The following YJEFN3 variants were observed in gnomAD, a reference collection of about 807,000 sequenced individuals.
YJEFN3 encodes the protein YjeF N-terminal domain containing 3.
In YJEFN3, 29 loss-of-function variants were observed where a neutral mutation model predicts 31.5. The observed-to-expected ratio is 0.92, with a 90% confidence interval of 0.69 to 1.26. The LOEUF (loss-of-function observed/expected upper bound fraction) is 1.26, where lower values mean the gene tolerates loss of function less well. Among genes scored for constraint, YJEFN3 ranks in the 50% most tolerant of loss-of-function variants. The probability of loss-of-function intolerance (pLI) is 0.00; values close to 1 mark genes in which losing one functional copy is unlikely to be tolerated. For missense variants in YJEFN3, 442 were observed against 425.4 expected, an observed-to-expected ratio of 1.04 and a Z score of -0.34; for synonymous variants, 227 against 196.1, an observed-to-expected ratio of 1.16 and a Z score of -1.32.
rs766482681 is a variant in YJEFN3, at chr19:19,535,112, G to A, written c.397G>A (p.Gly133Arg). The A allele has an allele frequency of 6.8e-6, 11 of 1,611,104 alleles. No individual in the cohort carries two copies. The highest frequency in any genetic ancestry group is 9.3e-6 in the Non-Finnish European group (11 of 1,178,370). ...TGGCCCGGAGCAGAACGGGGCAGTG[G>A]GGCTGGTCTGTGCCCGGCACCTGCG... ...VCGPEQNGAV[G>R]LVCARHLRVF... The change falls in exon 4 of 7, where the codon GGG becomes AGG. Residue 133 changes from glycine to arginine, a missense_variant. Transcript: ENST00000514277.
Position 19,535,140 on chromosome 19 carries a change from T to C in YJEFN3, c.425T>C (p.Val142Ala). The change falls in exon 4 of 7, where the codon GTG (valine) becomes GCG (alanine). Residue 142 changes from valine (V) to alanine (A), a missense_variant. Physicochemically the swap from Val to Ala is moderately conservative, Grantham distance 64. Coordinates refer to ENST00000514277, the MANE Select transcript of YJEFN3 (RefSeq NM_198537.4). ...VGLVCARHLR[V>A]FEYEPTIFYP... ...CTGGTCTGTGCCCGGCACCTGCGGG[T>C]GTTTGTAAGTAGCAAGGACCCCTTC... is the stretch of plus-strand genomic sequence containing the variant. The C allele has an allele frequency of 6.3e-7, 1 of 1,598,756 alleles. No homozygotes were observed. The highest frequency in any genetic ancestry group is 8.5e-7 in the Non-Finnish European group (1 of 1,171,946).
chr19:19,530,992 A>G (rs1263992034), intron 2 of YJEFN3, among the ~76,000 whole-genome samples: 1 of 152,080 alleles, frequency 6.6e-6, no homozygotes, highest in Non-Finnish European at 1.5e-5. Context: ...CCTTGAACAT[A>G]CCAGGCTCCT....
In YJEFN3 at chr19:19,537,546, C is replaced by A; in HGVS notation, c.*22C>A. 1.3e-6 allele frequency: 2 copies of A among 1,518,304 alleles called. No individual in the cohort carries two copies. The allele number at this position is 1,518,304 out of a possible 1,614,324, so 94.1% of individuals were successfully genotyped here. On this transcript the variant is annotated 3_prime_UTR_variant, in exon 7 of 7. Coordinates refer to ENST00000514277, the MANE Select transcript of YJEFN3 (RefSeq NM_198537.4). Reference sequence around the variant, plus strand: ...GTGACCGCCACCCGCGGCCACACCGCAGGGACCCTCGCCAATAAACAGCCC... The same window carrying A: ...GTGACCGCCACCCGCGGCCACACCGAAGGGACCCTCGCCAATAAACAGCCC...
At chr19:19,532,029 C>G (rs186095270) in intron 2 of YJEFN3, among the ~76,000 whole-genome samples, 1 of 151,952 alleles carries the variant, frequency 6.6e-6, no homozygotes, top group African/African-American at 2.4e-5. Context: ...TGTGAGGCAC[C>G]GCGCCCGGCC....
At position 19,535,686 on chromosome 19, in the gene YJEFN3, C is replaced by T; in HGVS notation, c.694+7C>T. ...AGCCTGGACATCCCCTCAGGCATGC[C>T]AGGCAGAGGGGGGCACATTGGGGCC... On this transcript the variant is annotated splice_region_variant and intron_variant, in intron 6 of 6. Transcript: ENST00000514277. 1.9e-6 allele frequency: 3 copies of T among 1,550,344 alleles called. No homozygotes were observed. The highest frequency in any genetic ancestry group is 2.6e-6 in the Non-Finnish European group (3 of 1,149,214).
At chr19:19,536,759 C>T (rs1327779777) in intron 6 of YJEFN3, among the ~76,000 whole-genome samples, 2 of 152,100 alleles carry the variant, frequency 1.3e-5, no homozygotes, top group African/African-American at 2.4e-5. Context: ...ATCACAAGGT[C>T]AGGAGTTCGA....
intron 2 of YJEFN3, among the ~76,000 whole-genome samples, chr19:19,531,405 TTA>T (rs2061154414): frequency 6.6e-6 from 1 of 152,142 alleles, no homozygotes; most frequent in Non-Finnish European, 1.5e-5. Flanking sequence ...CTCTTTTTAT[TTA>T]TGTTTGTGTT....
rs762297860 is a variant in YJEFN3, at chr19:19,528,915, C to CCCGGGCTCACCT, written c.-16_-5dup. The CCCGGGCTCACCT allele has an allele frequency of 4.5e-6, 7 of 1,547,072 alleles. No homozygotes were observed. The South Asian group carries it at 8.3e-5, about 18-fold the overall frequency. On this transcript the variant is annotated 5_prime_UTR_variant, in exon 1 of 7. Coordinates refer to ENST00000514277, the MANE Select transcript of YJEFN3 (RefSeq NM_198537.4). ...GTGGCGGTGGCGGCAGCGCCCGGCG[C>CCCGGGCTCACCT]CCGGGCTCACCTCGGCCATGAGCAG...
intron 3 of YJEFN3, chr19:19,533,558 C>A: frequency 1.4e-6 from 1 of 738,818 alleles, no homozygotes; most frequent in Non-Finnish European, 1.7e-6. Context: ...CCTCCTCCTC[C>A]CCCTCCTCCT....
Position 19,531,718 on chromosome 19 carries a change from C to CTTTTTTTTTTTTT in YJEFN3, c.210-896_210-884dup, listed in dbSNP as rs56747140. On this transcript the variant is annotated intron_variant, in intron 2 of 6. Coordinates refer to ENST00000514277, the MANE Select transcript of YJEFN3 (RefSeq NM_198537.4). Reference sequence around the variant, plus strand: ...GCCACATTTTCTGGCAACAAATAACCTTTTTTTTTTTTTTTTTTTTTTTTT... The same window carrying CTTTTTTTTTTTTT: ...GCCACATTTTCTGGCAACAAATAACCTTTTTTTTTTTTTTTTTTTTTTTTTTTTTTTTTTTTTT... Among the ~76,000 whole-genome samples the CTTTTTTTTTTTTT allele has an allele frequency of 2.5e-4, 19 of 75,864 alleles. 2 individuals are homozygous for CTTTTTTTTTTTTT. The highest frequency in any genetic ancestry group is 1.2e-3 in the African/African-American group (16 of 13,252). 49.8% of individuals were successfully genotyped at this position (75,864 alleles called of 152,430 possible).
chr19:19,533,539 C>T, intron 3 of YJEFN3: 4 of 752,478 alleles, frequency 5.3e-6, no homozygotes, highest in Non-Finnish European at 6.5e-6. Flanking sequence ...CTCCTTTCTC[C>T]TTCCTCTCCC....
chr19:19,534,056 C>T lies in YJEFN3; in HGVS notation c.319-978C>T, dbSNP rs868090843. 7.0e-5 allele frequency: 69 copies of T among 985,436 alleles called. No homozygotes were observed. Among genetic ancestry groups the T allele is most frequent in the South Asian group, 1.4e-4 (3 of 21,302 alleles). 61.0% of individuals were successfully genotyped at this position (985,436 alleles called of 1,614,324 possible). ...CTCAAGAGACACCCAGAGTGCCTGT[C>T]AGGCGGTGGCACTGTCATCGCATTT... is the stretch of plus-strand genomic sequence containing the variant. On this transcript the variant is annotated intron_variant, in intron 3 of 6. Transcript: ENST00000514277. This position sits in a 1 kb window ranked among gnomAD's most constrained non-coding sequence, Gnocchi z 4.6.
chr19:19,537,364 C>T lies in YJEFN3; in HGVS notation c.740C>T (p.Pro247Leu), dbSNP rs1399484095. 1 of 1,596,296 alleles carries T rather than the reference C, an allele frequency of 6.3e-7. No individual in the cohort carries two copies. Among genetic ancestry groups the T allele is most frequent in the South Asian group, 1.1e-5 (1 of 90,272 alleles). ...TGSDSEDGLR[P>L]DVLVSLAAPK... ...AGCGATTCGGAGGACGGGCTGCGGCCTGACGTGCTGGTGTCTCTCGCGGCG... is the reference window on the plus strand; with the variant it reads ...AGCGATTCGGAGGACGGGCTGCGGCTTGACGTGCTGGTGTCTCTCGCGGCG... Residue 247 changes from proline (P) to leucine (L), a missense_variant, in exon 7 of 7, where the codon CCT (proline) becomes CTT (leucine). By Grantham distance (98) the Pro-to-Leu change is moderately conservative (BLOSUM62 -3). Transcript: ENST00000514277.
At chr19:19,537,166 G>T (rs980176252) in intron 6 of YJEFN3, 153 bp from the exon 7 acceptor site, 3 of 676,368 alleles carry the variant, frequency 4.4e-6, no homozygotes, top group Non-Finnish European at 7.3e-6. Context: ...TCTGATGGGG[G>T]AGGGGAAGTG....
chr19:19,534,856 G>T lies in YJEFN3; in HGVS notation c.319-178G>T. On this transcript the variant is annotated intron_variant, in intron 3 of 6. Transcript: ENST00000514277. The surrounding 1 kb of genome is among the most constrained non-coding windows in gnomAD (Gnocchi z 4.6). ...GAGACCGGGCCTCTGCATCTCCAGC[G>T]GGGAAACTGAGGCCCCAAGAGGCCC... is the stretch of plus-strand genomic sequence containing the variant. 2.3e-6 allele frequency: 1 copy of T among 440,772 alleles called. No homozygotes were observed. The allele number at this position is 440,772 out of a possible 1,614,324, so 27.3% of individuals were successfully genotyped here. A position where few individuals can be genotyped will look rare whatever the true frequency, so the allele number is the denominator to read the frequency against.
chr19:19,533,901 C>G, intron 3 of YJEFN3: 1 of 985,562 alleles, frequency 1.0e-6, no homozygotes. Context: ...GTCTTGGGCT[C>G]TGGGCCCGGT....
chr19:19,531,292 A>G (rs1381134955), intron 2 of YJEFN3, among the ~76,000 whole-genome samples: 1 of 152,216 alleles, frequency 6.6e-6, no homozygotes, highest in African/African-American at 2.4e-5. Context: ...GGAGACACCA[A>G]GGGGGAAAGA....
At chr19:19,531,266 C>T (rs925940731) in intron 2 of YJEFN3, among the ~76,000 whole-genome samples, 1 of 152,220 alleles carries the variant, frequency 6.6e-6, no homozygotes, top group Non-Finnish European at 1.5e-5. Context: ...TGTCTTTGTT[C>T]ATGTCCTGTG....
In YJEFN3 at chr19:19,535,222, A is replaced by C. The variant is rs976979008; in HGVS notation, c.429+78A>C. 7 of 1,514,718 alleles carry C rather than the reference A, an allele frequency of 4.6e-6. No homozygotes were observed. In the African/African-American group the frequency reaches 9.6e-5, roughly 21 times the overall value. 93.8% of individuals were successfully genotyped at this position (1,514,718 alleles called of 1,614,324 possible). Reference sequence around the variant, plus strand: ...CACTGCCTTCTTTTGATAGCTTCCCAGGGGGACATTGACGCAGGGCCAGGT... The same window carrying C: ...CACTGCCTTCTTTTGATAGCTTCCCCGGGGGACATTGACGCAGGGCCAGGT... On this transcript the variant is annotated intron_variant, in intron 4 of 6. Transcript: ENST00000514277.
Sources: gnomAD v4.1 joint callset for allele counts (sites outside exome capture counted in the v4.1 genomes callset) on GRCh38, gnomAD v4.1.1 for gene constraint, Gnocchi (gnomAD v3.1) non-coding constraint, MANE v1.5 for transcripts, NCBI Gene and HGNC (gene_info 2026-07-23, HGNC 2026-07-21) for gene names.